SEL1L3: variants seen among roughly 807,000 people sequenced by gnomAD.
The protein encoded by SEL1L3 is SEL1L family member 3.
Under a neutral mutation model 142.8 loss-of-function variants are expected in SEL1L3, and 76 were observed. That is an observed-to-expected ratio of 0.53 (90% CI 0.44 to 0.64). The LOEUF is 0.64. Ranked by LOEUF, SEL1L3 falls within the 30% of genes least tolerant of loss-of-function variation. The pLI, the probability that SEL1L3 is intolerant of heterozygous loss-of-function variation, is 0.00. For synonymous variants in SEL1L3, 504 were observed against 519.6 expected, an observed-to-expected ratio of 0.97 and a Z score of 0.41; for missense variants, 1,262 against 1,381.7, an observed-to-expected ratio of 0.91 and a Z score of 1.37.
intron 19 of SEL1L3, among the ~76,000 whole-genome samples, chr4:25,766,405 A>G (rs527691232): frequency 6.8e-6 from 1 of 147,790 alleles, no homozygotes; most frequent in Non-Finnish European, 1.5e-5. Context: ...GCACCATTGC[A>G]CTCCAGCCTA....
At chr4:25,832,430 TGA>T (rs1715506837) in intron 5 of SEL1L3, among the ~76,000 whole-genome samples, 1 of 152,228 alleles carries the variant, frequency 6.6e-6, no homozygotes, top group African/African-American at 2.4e-5. Flanking sequence ...ATTCATGTTA[TGA>T]GAGTTTGAAG....
chr4:25,811,393 G>A (rs908000688), intron 9 of SEL1L3, among the ~76,000 whole-genome samples: 3 of 152,196 alleles, frequency 2.0e-5, no homozygotes, highest in African/African-American at 2.4e-5. Flanking sequence ...AAGAGCAGCC[G>A]CTCCTCAGAG....
chr4:25,856,938 T>G (rs2109324751), intron 1 of SEL1L3, among the ~76,000 whole-genome samples: 1 of 152,334 alleles, frequency 6.6e-6, no homozygotes. Context: ...ATCCACATCT[T>G]GCTACGGGAA....
Position 25,822,107 on chromosome 4 carries a change from A to G in SEL1L3, c.1179T>C (p.Tyr393=), listed in dbSNP as rs1714801759. Residue 393 remains tyrosine, a synonymous_variant, in exon 7 of 24, where the codon TAT becomes TAC. Transcript: ENST00000399878. Reference sequence around the variant, plus strand: ...TAATGAAGTACCCAGCTGTGTCATTATAATGGAAATCCTCCCGGAAGCTAG... The same window carrying G: ...TAATGAAGTACCCAGCTGTGTCATTGTAATGGAAATCCTCCCGGAAGCTAG... ...QTISFREDFH[Y]NDTAGYFIIG... is the part of the protein sequence containing the mutation. 4.3e-6 allele frequency: 7 copies of G among 1,613,856 alleles called. No homozygotes were observed. Among genetic ancestry groups the G allele is most frequent in the Admixed American group, 3.3e-5 (2 of 60,002 alleles).
the SEL1L3 span, among the ~76,000 whole-genome samples, chr4:25,729,098 C>T: frequency 6.6e-6 from 1 of 152,034 alleles, no homozygotes; most frequent in South Asian, 2.1e-4. Flanking sequence ...ATGATTCCTC[C>T]ACTGACTTCA....
intron 9 of SEL1L3, among the ~76,000 whole-genome samples, chr4:25,816,132 A>G (rs1452411731): frequency 1.4e-5 from 2 of 140,502 alleles, no homozygotes; most frequent in African/African-American, 3.0e-5. Context: ...GATATATTAC[A>G]TAATATAATA....
chr4:25,748,552 G>A lies in SEL1L3; in HGVS notation c.3272C>T (p.Pro1091Leu), dbSNP rs1435156046. The A allele has an allele frequency of 1.2e-6, 2 of 1,610,544 alleles. No individual in the cohort carries two copies. Among genetic ancestry groups the A allele is most frequent in the East Asian group, 2.2e-5 (1 of 44,824 alleles). The stretch of plus-strand genomic sequence containing the variant: ...TGGGGAGGCCTGGGATGGTCTTGGA[G>A]GGGGATCGCTTGCTGCAGAGACACA... Reference protein sequence around the residue: ...YFQSVSASDPPPRPSQASPDT... With the variant: ...YFQSVSASDPLPRPSQASPDT... The change falls in exon 24 of 24, where the codon CCT becomes CTT. Residue 1091 changes from proline (P) to leucine (L), a missense_variant. Coordinates refer to ENST00000399878, the MANE Select transcript of SEL1L3 (RefSeq NM_015187.5).
chr4:25,739,693 G>A, the SEL1L3 span, among the ~76,000 whole-genome samples: 2 of 150,130 alleles, frequency 1.3e-5, no homozygotes, highest in African/African-American at 5.0e-5. Flanking sequence ...GTGACAGAGA[G>A]AGACTCCGTC....
intron 7 of SEL1L3, among the ~76,000 whole-genome samples, chr4:25,821,052 G>A (rs1219869791): frequency 6.6e-6 from 1 of 152,198 alleles, no homozygotes; most frequent in East Asian, 1.9e-4. Flanking sequence ...TTCTTATTGT[G>A]GACAACCTTC....
chr4:25,821,911 C>T (rs1300924169), intron 7 of SEL1L3, 85 bp downstream of exon 7: 2 of 1,429,972 alleles, frequency 1.4e-6, no homozygotes, highest in Non-Finnish European at 1.9e-6. Flanking sequence ...CTTGGGTAAA[C>T]TTTTATTTAC....
intron 23 of SEL1L3, among the ~76,000 whole-genome samples, chr4:25,753,554 A>C (rs1717743276): frequency 6.6e-6 from 1 of 152,198 alleles, no homozygotes; most frequent in African/African-American, 2.4e-5. Context: ...CACTGGGGAG[A>C]CACCAAATGG....
At chr4:25,758,617 G>T (rs1718156525) in intron 21 of SEL1L3, among the ~76,000 whole-genome samples, 1 of 151,780 alleles carries the variant, frequency 6.6e-6, no homozygotes. Flanking sequence ...ATACACTCGG[G>T]TCTGGCTGAA....
the SEL1L3 span, among the ~76,000 whole-genome samples, chr4:25,733,026 A>G: frequency 6.6e-6 from 1 of 151,038 alleles, no homozygotes. Flanking sequence ...GATTACAGGC[A>G]TGAGCCACTG....
intron 5 of SEL1L3, 148 bp downstream of exon 5, chr4:25,832,846 GT>G: frequency 3.4e-6 from 2 of 592,440 alleles, no homozygotes; most frequent in South Asian, 4.2e-5. Flanking sequence ...ATCTATGAAA[GT>G]TTGATTTAGC....
chr4:25,736,380 C>T, the SEL1L3 span, among the ~76,000 whole-genome samples: 2 of 151,796 alleles, frequency 1.3e-5, no homozygotes, highest in African/African-American at 2.4e-5. Flanking sequence ...CTCACCACCA[C>T]GCCTAGCTAA....
At chr4:25,782,938 G>A (rs945172758) in intron 14 of SEL1L3, among the ~76,000 whole-genome samples, 3 of 152,222 alleles carry the variant, frequency 2.0e-5, no homozygotes, top group Non-Finnish European at 4.4e-5. Context: ...CTGACAGTGG[G>A]TTCAGGGTCT....
intron 17 of SEL1L3, among the ~76,000 whole-genome samples, chr4:25,771,959 A>G (rs1260427498): frequency 6.6e-6 from 1 of 152,230 alleles, no homozygotes; most frequent in African/African-American, 2.4e-5. Flanking sequence ...TCTTGGAACA[A>G]CATAGAAAAG....
At chr4:25,753,190 A>C (rs1489919461) in intron 23 of SEL1L3, among the ~76,000 whole-genome samples, 1 of 152,268 alleles carries the variant, frequency 6.6e-6, no homozygotes, top group East Asian at 1.9e-4. Context: ...TGTGTCAACT[A>C]TATATCACAG....
chr4:25,758,308 T>C (rs1399145864), intron 21 of SEL1L3, among the ~76,000 whole-genome samples: 1 of 151,976 alleles, frequency 6.6e-6, no homozygotes, highest in Admixed American at 6.6e-5. Context: ...CTGTCTCTAT[T>C]AAAAACACAA....
Sources: allele counts gnomAD v4.1 joint callset (sites outside exome capture counted in the v4.1 genomes callset), GRCh38; gene constraint gnomAD v4.1.1; transcripts MANE v1.5; gene names NCBI Gene and HGNC (gene_info 2026-07-23, HGNC 2026-07-21).